The following PSG2 variants were observed in gnomAD, a reference collection of about 807,000 sequenced individuals.
The protein encoded by PSG2 is pregnancy specific beta-1-glycoprotein 2, also known as pregnancy-specific beta-1-glycoprotein 2.
A neutral mutation model predicts 36.2 loss-of-function variants in PSG2; 49 were observed. The ratio of observed to expected loss-of-function variants is 1.35; its 90% confidence interval spans 1.08 to 1.72. PSG2 has a LOEUF of 1.72. Ranked by LOEUF, PSG2 falls within the 40% of genes most tolerant of loss-of-function variation. The pLI, the probability that PSG2 is intolerant of heterozygous loss-of-function variation, is 0.00. For missense variants in PSG2, 605 were observed against 407.2 expected (o/e 1.49, Z -4.18); for synonymous variants, 261 against 155.6 (o/e 1.68, Z -5.04).
chr19:43,080,681 AG>A (rs755536440), intron 2 of PSG2, among the ~76,000 whole-genome samples, 199 bp downstream of exon 2: 9 of 151,538 alleles, frequency 5.9e-5, no homozygotes, highest in Admixed American at 2.6e-4. Context: ...GAGTGTCTGC[AG>A]GGTCTGGATG....
chr19:43,076,614 A>T (rs1183246370), intron 2 of PSG2, among the ~76,000 whole-genome samples: 1 of 151,526 alleles, frequency 6.6e-6, no homozygotes, highest in African/African-American at 2.4e-5. Flanking sequence ...TATGTACCTC[A>T]TATCAGTGGA....
At chr19:43,067,169 C>T (rs773980933) in intron 4 of PSG2, among the ~76,000 whole-genome samples, 15 of 151,480 alleles carry the variant, frequency 9.9e-5, no homozygotes, top group African/African-American at 1.7e-4. Flanking sequence ...ACTCTTAGAA[C>T]TGCATTGGTA....
chr19:43,067,026 A>G (rs1352143343), intron 4 of PSG2, among the ~76,000 whole-genome samples: 5 of 151,008 alleles, frequency 3.3e-5, no homozygotes, highest in Admixed American at 2.6e-4. Flanking sequence ...TTTCAAATTC[A>G]CCACCTCTTG....
Position 43,080,984 on chromosome 19 carries a change from G to A in PSG2, c.327C>T (p.Ile109=). Reference sequence around the variant, plus strand: ...CTGCGTCCTCCCGGGTGACATTCTGGATCAGCAGGGATGCATTGGAATATG... The same window carrying A: ...CTGCGTCCTCCCGGGTGACATTCTGAATCAGCAGGGATGCATTGGAATATG... ...ETAYSNASLL[I]QNVTREDAGS... is the part of the protein sequence containing the mutation. Residue 109 remains isoleucine, a synonymous_variant, in exon 2 of 6, where the codon ATC becomes ATT. Transcript: ENST00000406487. 6.2e-7 allele frequency: 1 copy of A among 1,613,080 alleles called. No homozygotes were observed. Among genetic ancestry groups the A allele is most frequent in the South Asian group, 1.1e-5 (1 of 91,034 alleles).
chr19:43,072,380 T>G (rs7249104), intron 3 of PSG2: 2 of 1,612,330 alleles, frequency 1.2e-6, no homozygotes, highest in Admixed American at 3.3e-5. Context: ...TGGGTCACTG[T>G]GGATGCCACC....
chr19:43,072,082 T>C (rs1468997287), intron 3 of PSG2, 128 bp from the exon 4 acceptor site: 3 of 1,430,788 alleles, frequency 2.1e-6, no homozygotes, highest in African/African-American at 1.4e-5. Context: ...ACCCCCTCTA[T>C]GTTCACTGAG....
intron 4 of PSG2, among the ~76,000 whole-genome samples, chr19:43,069,189 A>G: frequency 6.6e-6 from 1 of 151,394 alleles, no homozygotes; most frequent in East Asian, 1.9e-4. Flanking sequence ...AATCTACAAA[A>G]TATGGCTGAA....
intron 4 of PSG2, among the ~76,000 whole-genome samples, chr19:43,070,075 C>T (rs1194793407): frequency 4.0e-5 from 6 of 151,552 alleles, no homozygotes; most frequent in Non-Finnish European, 8.8e-5. Context: ...TCCAGTAAGC[C>T]CATGCAAAGT....
intron 3 of PSG2, chr19:43,072,256 T>C: frequency 6.5e-7 from 1 of 1,547,686 alleles, no homozygotes. Flanking sequence ...AGAAGTAAAG[T>C]TGTCTATACT....
chr19:43,074,168 G>A (rs1967858999), intron 3 of PSG2, among the ~76,000 whole-genome samples: 1 of 151,468 alleles, frequency 6.6e-6, no homozygotes, highest in South Asian at 2.1e-4. Flanking sequence ...TGTTTCTGTT[G>A]TGGCAGTCAT....
chr19:43,067,702 A>G (rs950941679), intron 4 of PSG2, among the ~76,000 whole-genome samples: 19 of 151,354 alleles, frequency 1.3e-4, no homozygotes, highest in South Asian at 4.2e-4. Flanking sequence ...GATGATGATG[A>G]TAGTAATATA....
At chr19:43,079,389 T>C (rs8110059) in intron 2 of PSG2, among the ~76,000 whole-genome samples, 114,992 of 151,016 alleles carry the variant, frequency 0.76, 44,766 homozygotes, top group East Asian at 0.99. Flanking sequence ...GGGTGTCAGC[T>C]TCTGAAGGAC....
At chr19:43,072,570 C>G in intron 3 of PSG2, 1 of 1,611,382 alleles carries the variant, frequency 6.2e-7, no homozygotes, top group South Asian at 1.1e-5. Context: ...AAGGCTAATA[C>G]ATCCTTATTC....
rs753829895 is a variant in PSG2 at position 43,082,583 on chromosome 19, T to C, written c.-14A>G. 1.9e-6 allele frequency: 3 copies of C among 1,610,866 alleles called. No individual in the cohort carries two copies. The South Asian group carries it at 3.3e-5, about 18-fold the overall frequency. On this transcript the variant is annotated 5_prime_UTR_variant, in exon 1 of 6. Coordinates refer to ENST00000406487, the MANE Select transcript of PSG2 (RefSeq NM_031246.4). ...GAGGGGCCCCATGGTCTCTGCTGCCTGTGTGTTCTCCTCTGTGGAGATGAG... is the reference window on the plus strand; with the variant it reads ...GAGGGGCCCCATGGTCTCTGCTGCCCGTGTGTTCTCCTCTGTGGAGATGAG...
chr19:43,082,113 TTCTTCTCTC>T, intron 1 of PSG2: 1 of 115,536 alleles, frequency 8.7e-6, no homozygotes, highest in African/African-American at 4.8e-5. Flanking sequence ...TTTTATTTCT[TTCTTCTCTC>T]TTTTTTTTTT....
At chr19:43,066,816 C>T (rs1967746211) in intron 4 of PSG2, among the ~76,000 whole-genome samples, 1 of 151,372 alleles carries the variant, frequency 6.6e-6, no homozygotes, top group Non-Finnish European at 1.5e-5. Context: ...TGTCAATTCT[C>T]TACTGCACTC....
chr19:43,078,710 A>C (rs1369171404), intron 2 of PSG2, among the ~76,000 whole-genome samples: 10 of 151,686 alleles, frequency 6.6e-5, no homozygotes, highest in Non-Finnish European at 1.3e-4. Context: ...TTTGAGTAAT[A>C]ATAAACCTCT....
Position 43,073,022 on chromosome 19 carries a change from G to T in PSG2, c.710-1068C>A, listed in dbSNP as rs377382761. ...AATTCCATCCTACTTTGCCCCCCTA[G>T]ATGTGATTTCTCTGCAGCTTCCATT... On this transcript the variant is annotated intron_variant, in intron 3 of 5. Transcript: ENST00000406487. Among the ~76,000 whole-genome samples the T allele has an allele frequency of 1.2e-4, 18 of 151,738 alleles. 1 individual carries two copies. The highest frequency in any genetic ancestry group is 3.6e-4 in the African/African-American group (15 of 41,190).
At chr19:43,075,956 C>A (rs564089226) in intron 2 of PSG2, among the ~76,000 whole-genome samples, 2 of 151,676 alleles carry the variant, frequency 1.3e-5, no homozygotes, top group East Asian at 1.9e-4. Flanking sequence ...GCCTGGCCCA[C>A]CTTGTGGTCC....
Sources: allele counts gnomAD v4.1 joint callset (sites outside exome capture counted in the v4.1 genomes callset), GRCh38; gene constraint gnomAD v4.1.1; transcripts MANE v1.5; gene names NCBI Gene and HGNC (gene_info 2026-07-23, HGNC 2026-07-21).